Variants in MEGF6 observed in about 807,000 individuals in gnomAD.
MEGF6 encodes the protein multiple epidermal growth factor-like domains protein 6.
In MEGF6, 184 loss-of-function variants were observed where a neutral mutation model predicts 207.1. The ratio of observed to expected loss-of-function variants is 0.89; its 90% CI spans 0.79 to 1.00. The LOEUF is 1.00. Among genes scored for constraint, MEGF6 ranks in the 50% least tolerant of loss-of-function variants. MEGF6 has a pLI of 0.00. For missense variants in MEGF6, 2,282 were observed against 2,202.9 expected (o/e 1.04, Z -0.72); for synonymous variants, 1,038 against 910.0 (o/e 1.14, Z -2.53).
In MEGF6 at chr1:3,573,537, G is replaced by A. The variant is rs780674603; in HGVS notation, c.481+6288C>T. Among the ~76,000 whole-genome samples, 10 of 152,236 alleles carry A rather than the reference G, an allele frequency of 6.6e-5. No homozygotes were observed. Among genetic ancestry groups the A allele is most frequent in the Non-Finnish European group, 1.3e-4 (9 of 68,026 alleles). The stretch of plus-strand genomic sequence containing the variant: ...CCAGGAATCAGCCCAGGCTGGGGCT[G>A]CTGCAGGCTGCAGGCCTCTGGACAA... On this transcript the variant is annotated intron_variant, in intron 4 of 36. Coordinates refer to ENST00000356575, the MANE Select transcript of MEGF6 (RefSeq NM_001409.4). This position sits in a 1 kb window ranked among gnomAD's most constrained non-coding sequence, Gnocchi z 5.1.
Position 3,561,995 on chromosome 1 carries a change from C to T in MEGF6, c.481+17830G>A, listed in dbSNP as rs1005319806. On this transcript the variant is annotated intron_variant, in intron 4 of 36. Coordinates refer to ENST00000356575, the MANE Select transcript of MEGF6 (RefSeq NM_001409.4). Reference sequence around the variant, plus strand: ...CCCCTCCGTGGCCGAGTTCCTGGGACGTTTCATTCTTTGGCGGTGCTGGTG... The same window carrying T: ...CCCCTCCGTGGCCGAGTTCCTGGGATGTTTCATTCTTTGGCGGTGCTGGTG... Among the ~76,000 whole-genome samples, 5 of 152,212 alleles carry T rather than the reference C, an allele frequency of 3.3e-5. No individual in the cohort carries two copies. The South Asian group carries it at 8.3e-4, about 25-fold the overall frequency.
chr1:3,496,373 G>A (rs1640605994), intron 29 of MEGF6, among the ~76,000 whole-genome samples: 1 of 152,268 alleles, frequency 6.6e-6, no homozygotes, highest in Non-Finnish European at 1.5e-5. Flanking sequence ...CTCTGTGCCT[G>A]GCTGTGCTCA....
At position 3,489,717 on chromosome 1, in the gene MEGF6, G is replaced by A. The variant is rs111359868; in HGVS notation, c.*811C>T. ...GAACAGCCAGTCTCTGGGTCTCAGCGGTAATGAATGCAGCCCCAGCGTTCT... is the reference window on the plus strand; with the variant it reads ...GAACAGCCAGTCTCTGGGTCTCAGCAGTAATGAATGCAGCCCCAGCGTTCT... On this transcript the variant is annotated 3_prime_UTR_variant, in exon 37 of 37. Coordinates refer to ENST00000356575, the MANE Select transcript of MEGF6 (RefSeq NM_001409.4). Among the ~76,000 whole-genome samples, 963 of 152,284 alleles carry A rather than the reference G, an allele frequency of 6.3e-3. 13 individuals are homozygous for A. Among genetic ancestry groups the A allele is most frequent in the African/African-American group, 0.022 (932 of 41,546 alleles).
intron 4 of MEGF6, among the ~76,000 whole-genome samples, chr1:3,549,882 C>T (rs908973056): frequency 2.0e-5 from 3 of 152,118 alleles, no homozygotes; most frequent in African/African-American, 7.3e-5. Context: ...GATCCAAGCA[C>T]AGGCACGGGT....
rs57713922 is a variant in MEGF6, at chr1:3,538,745, T to TGTGTGTGTGA, written c.482-14500_482-14499insTCACACACAC. On this transcript the variant is annotated intron_variant, in intron 4 of 36. Coordinates refer to ENST00000356575, the MANE Select transcript of MEGF6 (RefSeq NM_001409.4). ...GTGTGTGTGTGTGTGTGTGTGTGTGTCCGCGCTGTCTGTGGGTTCTCTGTT... is the reference window on the plus strand; with the variant it reads ...GTGTGTGTGTGTGTGTGTGTGTGTGTGTGTGTGTGACCGCGCTGTCTGTGGGTTCTCTGTT... Among the ~76,000 whole-genome samples the TGTGTGTGTGA allele has an allele frequency of 1.1e-3, 133 of 126,508 alleles. No individual in the cohort carries two copies. The East Asian group carries it at 0.014, about 13-fold the overall frequency. The allele number at this position is 126,508 out of a possible 152,430, so 83.0% of individuals were successfully genotyped here.
chr1:3,579,223 G>A (rs1015737639), intron 4 of MEGF6, among the ~76,000 whole-genome samples: 4 of 152,234 alleles, frequency 2.6e-5, no homozygotes, highest in African/African-American at 9.6e-5. Flanking sequence ...ATCAGGACGA[G>A]GCTCTGCCGC....
intron 21 of MEGF6, 104 bp from the exon 22 acceptor site, chr1:3,500,028 C>T (rs1472728070): frequency 1.6e-5 from 23 of 1,413,602 alleles, no homozygotes; most frequent in Non-Finnish European, 2.0e-5. Context: ...ACAGGCCTGG[C>T]TCATGAGAAG....
At chr1:3,530,441 T>C (rs1015828567) in intron 4 of MEGF6, among the ~76,000 whole-genome samples, 2 of 151,944 alleles carry the variant, frequency 1.3e-5, no homozygotes, top group African/African-American at 4.8e-5. Flanking sequence ...CACCCCCTCC[T>C]CCAATTCCCG....
chr1:3,579,498 C>T (rs1643739609), intron 4 of MEGF6, among the ~76,000 whole-genome samples: 1 of 152,186 alleles, frequency 6.6e-6, no homozygotes, highest in Non-Finnish European at 1.5e-5. Context: ...AGGTGGAGAC[C>T]CTGGGACCTG....
chr1:3,580,943 C>T (rs1414228037), intron 3 of MEGF6, among the ~76,000 whole-genome samples: 1 of 152,042 alleles, frequency 6.6e-6, no homozygotes, highest in Non-Finnish European at 1.5e-5. Context: ...GACAAGGGGG[C>T]CCTGCCGGTG....
intron 4 of MEGF6, among the ~76,000 whole-genome samples, chr1:3,527,078 T>A (rs1641992164): frequency 6.6e-6 from 1 of 152,098 alleles, no homozygotes; most frequent in Non-Finnish European, 1.5e-5. Flanking sequence ...TAATTCTGCT[T>A]AACAATCGCC....
At chr1:3,602,716 G>T in intron 1 of MEGF6, 116 bp from the exon 2 acceptor site, 1 of 1,413,872 alleles carries the variant, frequency 7.1e-7, no homozygotes. Context: ...CAGACCCGTG[G>T]CCAGGCCTCC....
At chr1:3,506,278 G>A in intron 14 of MEGF6, 42 bp from the exon 15 acceptor site, 1 of 1,596,760 alleles carries the variant, frequency 6.3e-7, no homozygotes, top group Non-Finnish European at 8.5e-7. Context: ...GTGGCAGCCA[G>A]CCTACCACAT....
At chr1:3,538,446 G>A (rs1350079209) in intron 4 of MEGF6, among the ~76,000 whole-genome samples, 2 of 152,214 alleles carry the variant, frequency 1.3e-5, no homozygotes, top group Non-Finnish European at 2.9e-5. Context: ...CCAAAGGAAG[G>A]AAAATTGAAA....
At chr1:3,545,695 A>G (rs1642678845) in intron 4 of MEGF6, among the ~76,000 whole-genome samples, 1 of 152,202 alleles carries the variant, frequency 6.6e-6, no homozygotes, top group African/African-American at 2.4e-5. Context: ...GGCAAGAGCC[A>G]GAATGGAGCG....
chr1:3,488,322 A>G lies in MEGF6; in HGVS notation c.*2206T>C, dbSNP rs1337632425. On this transcript the variant is annotated 3_prime_UTR_variant, in exon 37 of 37. Coordinates refer to ENST00000356575, the MANE Select transcript of MEGF6 (RefSeq NM_001409.4). ...TGCCTTATGGCTTCCGTAGCTGAAC[A>G]CTGTGTCTTCACTGAGCGGGATGAG... Among the ~76,000 whole-genome samples, 2 of 152,146 alleles carry G rather than the reference A, an allele frequency of 1.3e-5. No individual in the cohort carries two copies. The highest frequency in any genetic ancestry group is 2.4e-5 in the African/African-American group (1 of 41,418).
chr1:3,499,821 G>A lies in MEGF6; in HGVS notation c.2811C>T (p.Gly937=). The change falls in exon 22 of 37, where the codon GGC becomes GGT. Residue 937 remains glycine, a synonymous_variant. Transcript: ENST00000356575. ...CATGCTCGCAGAAGGTGCCCCTCCA[G>A]CCGGCCGGGCAGGTGCAGGCCCCGC... is the stretch of plus-strand genomic sequence containing the variant. ...HVSGACTCPA[G]WRGTFCEHAC... The A allele has an allele frequency of 6.4e-7, 1 of 1,553,866 alleles. No individual in the cohort carries two copies. The highest frequency in any genetic ancestry group is 8.7e-7 in the Non-Finnish European group (1 of 1,149,472).
At chr1:3,568,214 G>A (rs1410576285) in intron 4 of MEGF6, among the ~76,000 whole-genome samples, 1 of 152,130 alleles carries the variant, frequency 6.6e-6, no homozygotes, top group East Asian at 1.9e-4. Context: ...GAGTGATGAG[G>A]GGGTGAAGTG....
At chr1:3,547,010 C>T (rs1465582695) in intron 4 of MEGF6, 1 of 165,660 alleles carries the variant, frequency 6.0e-6, no homozygotes, top group Non-Finnish European at 1.3e-5. Context: ...TGGCAAGTCT[C>T]GCCATCACCC....
Sources: gnomAD v4.1 joint callset for allele counts (sites outside exome capture counted in the v4.1 genomes callset) on GRCh38, gnomAD v4.1.1 for gene constraint, Gnocchi (gnomAD v3.1) non-coding constraint, MANE v1.5 for transcripts, NCBI Gene and HGNC (gene_info 2026-07-23, HGNC 2026-07-21) for gene names.